The following ITGA10 variants were observed in gnomAD, a reference collection of about 807,000 sequenced individuals.
ITGA10 encodes the protein integrin alpha-10.
A neutral mutation model predicts 145.2 loss-of-function variants in ITGA10; 105 were observed. That is an observed-to-expected ratio of 0.72 (90% CI 0.62 to 0.85). The LOEUF (loss-of-function observed/expected upper bound fraction) is 0.85, where lower values mean the gene tolerates loss of function less well. Among genes scored for constraint, ITGA10 ranks in the 40% least tolerant of loss-of-function variants. ITGA10 has a pLI of 0.00. For synonymous variants in ITGA10, 506 were observed against 557.8 expected (o/e 0.91, Z 1.31); for missense variants, 1,317 against 1,444.5 (o/e 0.91, Z 1.43).
In ITGA10 at chr1:145,904,181, C is replaced by A. The variant is rs1553750264; in HGVS notation, c.629G>T (p.Gly210Val). The change falls in exon 7 of 30, where the codon GGG becomes GTG. Residue 210 changes from glycine (G) to valine (V), a missense_variant. Transcript: ENST00000369304. ...GGACCACTCATGTACAGGGCTCTCCCCATACTGTACCAGTCCCACCTGGGA... is the reference window on the plus strand; with the variant it reads ...GGACCACTCATGTACAGGGCTCTCCACATACTGTACCAGTCCCACCTGGGA... ...EQIQVGLVQY[G>V]ESPVHEWSLG... The A allele has an allele frequency of 6.2e-7, 1 of 1,614,022 alleles. No individual in the cohort carries two copies. Among genetic ancestry groups the A allele is most frequent in the African/African-American group, 1.3e-5 (1 of 74,900 alleles).
Position 145,899,099 on chromosome 1 carries a change from T to A in ITGA10, c.2090-21A>T, listed in dbSNP as rs797039525. 2.5e-6 allele frequency: 4 copies of A among 1,613,670 alleles called. No homozygotes were observed. In the African/African-American group the frequency reaches 5.3e-5, roughly 22 times the overall value. On this transcript the variant is annotated intron_variant, in intron 16 of 29. Coordinates refer to ENST00000369304, the MANE Select transcript of ITGA10 (RefSeq NM_003637.5). ...CATGTCTGAATGAAGGAGGCAAGAG[T>A]GAGGGTGGAAAGGGGTCTAGTGAGG...
In ITGA10 at chr1:145,904,103, C is replaced by T. The variant is rs782442379; in HGVS notation, c.707G>A (p.Ser236Asn). The T allele has an allele frequency of 1.2e-6, 2 of 1,614,136 alleles. No individual in the cohort carries two copies. Among genetic ancestry groups the T allele is most frequent in the Admixed American group, 3.3e-5 (2 of 60,006 alleles). The change falls in exon 7 of 30, where the codon AGT (serine) becomes AAT (asparagine). Residue 236 changes from serine (S) to asparagine (N), a missense_variant. By Grantham distance (46) the Ser-to-Asn change is conservative. Transcript: ENST00000369304. Reference sequence around the variant, plus strand: ...CTTTGTTTCTCGTCCCTCCCGCCGACTGAGGTTCTTTGCTGCTCTCACCAC... The same window carrying T: ...CTTTGTTTCTCGTCCCTCCCGCCGATTGAGGTTCTTTGCTGCTCTCACCAC... ...EEVVRAAKNL[S>N]RREGRETKTA... is the part of the protein sequence containing the mutation.
Position 145,898,971 on chromosome 1 carries a change from T to C in ITGA10, c.2197A>G (p.Asn733Asp). ...AAGTGTAGCTGCTCACAAGTGACAT[T>C]CCCCACACTGAGCCGGAGCCTCCGA... Reference protein sequence around the residue: ...SPRRLRLSVGNVTCEQLHFHV... With the variant: ...SPRRLRLSVGDVTCEQLHFHV... Residue 733 changes from asparagine (N) to aspartate (D), a missense_variant, in exon 17 of 30, where the codon AAT becomes GAT. Asn to Asp is a conservative substitution (Grantham distance 23, BLOSUM62 1). Coordinates refer to ENST00000369304, the MANE Select transcript of ITGA10 (RefSeq NM_003637.5). 1 of 1,614,094 alleles carries C rather than the reference T, an allele frequency of 6.2e-7. No homozygotes were observed. Among genetic ancestry groups the C allele is most frequent in the Non-Finnish European group, 8.5e-7 (1 of 1,180,028 alleles).
At position 145,898,925 on chromosome 1, in the gene ITGA10, C is replaced by T. The variant is rs372988406; in HGVS notation, c.2232+11G>A. 3.7e-6 allele frequency: 6 copies of T among 1,610,466 alleles called. No homozygotes were observed. The Admixed American group carries it at 5.0e-5, about 13-fold the overall frequency. ...GGCCCTGATGCTAAGCAGTTACTGC[C>T]CTCTCCTTACCAGCACATGGAAGTG... On this transcript the variant is annotated intron_variant, in intron 17 of 29. Coordinates refer to ENST00000369304, the MANE Select transcript of ITGA10 (RefSeq NM_003637.5).
At chr1:145,906,686 T>C in intron 4 of ITGA10, 47 bp downstream of exon 4, 2 of 1,488,838 alleles carry the variant, frequency 1.3e-6, no homozygotes, top group Non-Finnish European at 1.9e-6. Flanking sequence ...CTCTTTTTTC[T>C]TTTATGGACC....
At chr1:145,897,159 G>A in intron 21 of ITGA10, 72 bp from the exon 22 acceptor site, 1 of 1,559,040 alleles carries the variant, frequency 6.4e-7, no homozygotes, top group Non-Finnish European at 8.8e-7. Flanking sequence ...AGGAGCCCTT[G>A]TGCGCCCCCT....
At position 145,897,039 on chromosome 1, in the gene ITGA10, G is replaced by A. The variant is rs781937680; in HGVS notation, c.2716C>T (p.Gln906Ter). The A allele has an allele frequency of 6.2e-7, 1 of 1,614,098 alleles. No individual in the cohort carries two copies. Among genetic ancestry groups the A allele is most frequent in the Non-Finnish European group, 8.5e-7 (1 of 1,179,982 alleles). ...CTGGCAGTCAGCTTCACGAAGACCTGGCTCAGGAGAGAGGAGCAGCTAAAC... is the reference window on the plus strand; with the variant it reads ...CTGGCAGTCAGCTTCACGAAGACCTAGCTCAGGAGAGAGGAGCAGCTAAAC... ...FEFSCSSLLS[Q>*]VFVKLTASSD... is the part of the protein sequence containing the mutation. The change falls in exon 22 of 30, where the codon CAG becomes TAG. Residue 906 changes from glutamine (Q) to a stop codon, truncating the protein, a stop_gained. Coordinates refer to ENST00000369304, the MANE Select transcript of ITGA10 (RefSeq NM_003637.5). LOFTEE classifies it high-confidence loss of function.
rs1553749252 is a variant in ITGA10 at position 145,902,513 on chromosome 1, T to A, written c.1016A>T (p.Asp339Val). The change falls in exon 9 of 30, where the codon GAT becomes GTT. Residue 339 changes from aspartate to valine, a missense_variant. By Grantham distance (152) the Asp-to-Val change is radical. Coordinates refer to ENST00000369304, the MANE Select transcript of ITGA10 (RefSeq NM_003637.5). ...CACAATGTCAGTCAGAGCAGCCTCA[T>A]CTGTGACATTGAAGAAGAATCGCTC... ...PDERFFFNVT[D>V]EAALTDIVDA... The A allele has an allele frequency of 6.2e-7, 1 of 1,613,920 alleles. No individual in the cohort carries two copies. Among genetic ancestry groups the A allele is most frequent in the Admixed American group, 1.7e-5 (1 of 59,962 alleles).
intron 8 of ITGA10, 81 bp downstream of exon 8, chr1:145,902,730 A>C: frequency 6.5e-7 from 1 of 1,543,320 alleles, no homozygotes; most frequent in Non-Finnish European, 8.7e-7. Flanking sequence ...GTTTTCCTCA[A>C]GTTCCCAGTC....
Position 145,901,979 on chromosome 1 carries a change from C to G in ITGA10, c.1192G>C (p.Gly398Arg). The change falls in exon 11 of 30, where the codon GGC becomes CGC. Residue 398 changes from glycine to arginine, a missense_variant. By Grantham distance (125) the Gly-to-Arg change is moderately radical (BLOSUM62 -2). Coordinates refer to ENST00000369304, the MANE Select transcript of ITGA10 (RefSeq NM_003637.5). The surrounding 1 kb of genome is among the most constrained non-coding windows in gnomAD (Gnocchi z 4.3). Reference protein sequence around the residue: ...FGMVGAYDWGGSVLWLEGGHR... With the variant: ...FGMVGAYDWGRSVLWLEGGHR... ...CCTCCTTCAAGCCATAGCACAGAGC[C>G]TCCCCAGTCATAGGCCCCCACCATC... 1 of 1,614,142 alleles carries G rather than the reference C, an allele frequency of 6.2e-7. No homozygotes were observed. Among genetic ancestry groups the G allele is most frequent in the Non-Finnish European group, 8.5e-7 (1 of 1,180,022 alleles).
In ITGA10 at chr1:145,897,232, T is replaced by C; in HGVS notation, c.2667+15A>G. On this transcript the variant is annotated intron_variant, in intron 21 of 29. Transcript: ENST00000369304. Reference sequence around the variant, plus strand: ...CCCTCCTAGAGCCCTCTTTTCATCCTAGACCCCAACCCACCTTGGCTCCAG... The same window carrying C: ...CCCTCCTAGAGCCCTCTTTTCATCCCAGACCCCAACCCACCTTGGCTCCAG... The C allele has an allele frequency of 6.2e-7, 1 of 1,613,482 alleles. No individual in the cohort carries two copies. The highest frequency in any genetic ancestry group is 8.5e-7 in the Non-Finnish European group (1 of 1,179,498).
chr1:145,893,521 A>G lies in ITGA10; in HGVS notation c.3324+19T>C, dbSNP rs1654978114. ...TCATCATTATTTTCACAGCTCTCAGACTCGGTCTCCAGCCCTACCTCACTC... is the reference window on the plus strand; with the variant it reads ...TCATCATTATTTTCACAGCTCTCAGGCTCGGTCTCCAGCCCTACCTCACTC... On this transcript the variant is annotated intron_variant, in intron 28 of 29. Coordinates refer to ENST00000369304, the MANE Select transcript of ITGA10 (RefSeq NM_003637.5). 2 of 1,585,124 alleles carry G rather than the reference A, an allele frequency of 1.3e-6. No individual in the cohort carries two copies. The highest frequency in any genetic ancestry group is 1.3e-5 in the African/African-American group (1 of 74,136).
Position 145,892,806 on chromosome 1 carries a change from C to T in ITGA10, c.3496G>A (p.Glu1166Lys), listed in dbSNP as rs782186335. 1.9e-5 allele frequency: 30 copies of T among 1,612,538 alleles called. No homozygotes were observed. In the South Asian group the frequency reaches 3.2e-4, roughly 17 times the overall value. The change falls in exon 30 of 30, where the codon GAG becomes AAG. Residue 1166 changes from glutamate (E) to lysine (K), a missense_variant. Transcript: ENST00000369304. ...PEEEKREEKL[E>K]Q is the part of the protein sequence containing the mutation. ...AGACCCTTATTCTACATTCATTGCT[C>T]CAACTTCTCTTCTCTTTTTTCTTCC...
Position 145,898,966 on chromosome 1 carries a change from G to C in ITGA10, c.2202C>G (p.Val734=), listed in dbSNP as rs1232757829. 22 of 1,614,004 alleles carry C rather than the reference G, an allele frequency of 1.4e-5. No homozygotes were observed. The highest frequency in any genetic ancestry group is 1.9e-5 in the Non-Finnish European group (22 of 1,180,030). ...CATGGAAGTGTAGCTGCTCACAAGT[G>C]ACATTCCCCACACTGAGCCGGAGCC... is the stretch of plus-strand genomic sequence containing the variant. ...PRRLRLSVGN[V]TCEQLHFHVL... Residue 734 remains valine, a synonymous_variant, in exon 17 of 30, where the codon GTC becomes GTG. Coordinates refer to ENST00000369304, the MANE Select transcript of ITGA10 (RefSeq NM_003637.5).
chr1:145,908,519 A>T (rs1304887555), intron 1 of ITGA10, among the ~76,000 whole-genome samples: 6 of 152,020 alleles, frequency 3.9e-5, no homozygotes, highest in Admixed American at 3.9e-4. Flanking sequence ...AAGGTGCCCG[A>T]CCCTAGCTAA....
Position 145,902,795 on chromosome 1 carries a change from C to T in ITGA10, c.909+16G>A. On this transcript the variant is annotated intron_variant, in intron 8 of 29. Coordinates refer to ENST00000369304, the MANE Select transcript of ITGA10 (RefSeq NM_003637.5). ...TGCCACTCCCCAACTCTTCCAGATC[C>T]AGGGTGAATTCTCACTGCAATCCCA... The T allele has an allele frequency of 3.1e-6, 5 of 1,599,338 alleles. No homozygotes were observed. Among genetic ancestry groups the T allele is most frequent in the Non-Finnish European group, 4.3e-6 (5 of 1,173,024 alleles).
intron 1 of ITGA10, among the ~76,000 whole-genome samples, chr1:145,909,349 T>C (rs1462984395): frequency 6.7e-6 from 1 of 150,028 alleles, no homozygotes; most frequent in African/African-American, 2.5e-5. Flanking sequence ...TAGTCCCAAC[T>C]ACTGAGCTGT....
intron 1 of ITGA10, among the ~76,000 whole-genome samples, chr1:145,908,851 ATAGT>A (rs1407879608): frequency 6.6e-6 from 1 of 152,188 alleles, no homozygotes; most frequent in Non-Finnish European, 1.5e-5. Flanking sequence ...TTCTGACCAC[ATAGT>A]TAGTCAGTTA....
intron 1 of ITGA10, among the ~76,000 whole-genome samples, chr1:145,908,678 C>A (rs973724411): frequency 5.3e-5 from 8 of 152,158 alleles, no homozygotes; most frequent in Non-Finnish European, 8.8e-5. Flanking sequence ...TTCTAAGCAA[C>A]CCCCTCTCAG....
Sources: gnomAD v4.1 joint callset for allele counts (sites outside exome capture counted in the v4.1 genomes callset) on GRCh38, gnomAD v4.1.1 for gene constraint, Gnocchi (gnomAD v3.1) non-coding constraint, MANE v1.5 for transcripts, NCBI Gene and HGNC (gene_info 2026-07-23, HGNC 2026-07-21) for gene names.